The following GLI2 variants were observed in gnomAD, a reference collection of about 807,000 sequenced individuals.
GLI2 encodes the protein transcription activator GLI2.
In GLI2, 22 loss-of-function variants were observed where a neutral mutation model predicts 78.9. The observed-to-expected ratio is 0.28, with a 90% CI of 0.20 to 0.40. GLI2 has a LOEUF of 0.40. GLI2 is among the 10% of genes least tolerant of loss of function. The pLI, the probability that GLI2 is intolerant of heterozygous loss-of-function variation, is 1.00. For synonymous variants in GLI2, 974 were observed against 963.7 expected, an observed-to-expected ratio of 1.01 and a Z score of -0.20; for missense variants, 2,097 against 2,213.2, an observed-to-expected ratio of 0.95 and a Z score of 1.05.
At chr2:120,872,487 GGT>G (rs1192249918) in intron 2 of GLI2, among the ~76,000 whole-genome samples, 1 of 152,224 alleles carries the variant, frequency 6.6e-6, no homozygotes, top group Non-Finnish European at 1.5e-5. Flanking sequence ...CAGAGATGAA[GGT>G]CATACTGCAA....
intron 3 of GLI2, among the ~76,000 whole-genome samples, chr2:120,939,636 C>T (rs1680360534): frequency 6.6e-6 from 1 of 152,200 alleles, no homozygotes; most frequent in East Asian, 1.9e-4. Flanking sequence ...GTGTAGGGCT[C>T]TTCATTCATT....
chr2:120,833,066 C>G (rs1450750126), intron 2 of GLI2, among the ~76,000 whole-genome samples: 1 of 152,014 alleles, frequency 6.6e-6, no homozygotes, highest in Non-Finnish European at 1.5e-5. Context: ...CTGGATTGCT[C>G]TGGGACTCTT....
intron 2 of GLI2, among the ~76,000 whole-genome samples, chr2:120,813,075 C>A (rs938009385): frequency 1.3e-5 from 2 of 152,216 alleles, no homozygotes; most frequent in African/African-American, 4.8e-5. Flanking sequence ...TTTCAGCATG[C>A]CACACACAGG....
At chr2:120,880,869 G>A (rs944117543) in intron 2 of GLI2, among the ~76,000 whole-genome samples, 2 of 152,178 alleles carry the variant, frequency 1.3e-5, no homozygotes, top group African/African-American at 4.8e-5. Flanking sequence ...TTGAACACAA[G>A]TCCCAGCATA....
At chr2:120,875,640 G>A (rs1201914165) in intron 2 of GLI2, among the ~76,000 whole-genome samples, 2 of 152,176 alleles carry the variant, frequency 1.3e-5, no homozygotes, top group East Asian at 1.9e-4. Context: ...CCTCTTCTTC[G>A]CCTCAGGACA....
chr2:120,975,273 G>A (rs180696122), intron 9 of GLI2, among the ~76,000 whole-genome samples, 164 bp downstream of exon 9: 2 of 152,370 alleles, frequency 1.3e-5, no homozygotes, highest in African/African-American at 4.8e-5. Context: ...TTACTTATGT[G>A]TGTCCTGCCT....
chr2:120,983,946 G>GGGTGT (rs112474343), intron 11 of GLI2, among the ~76,000 whole-genome samples: 37,364 of 142,876 alleles, frequency 0.26, 4,925 homozygotes, highest in South Asian at 0.44. Flanking sequence ...TGGTGTGTGG[G>GGGTGT]GTGTGTGTGT....
At chr2:120,876,986 CT>C (rs1193785569) in intron 2 of GLI2, among the ~76,000 whole-genome samples, 1 of 152,228 alleles carries the variant, frequency 6.6e-6, no homozygotes, top group Non-Finnish European at 1.5e-5. Flanking sequence ...GGCTGGTCCA[CT>C]GCTCACTCAG....
intron 3 of GLI2, among the ~76,000 whole-genome samples, chr2:120,932,255 G>A (rs1157967196): frequency 6.6e-6 from 1 of 152,066 alleles, no homozygotes; most frequent in Non-Finnish European, 1.5e-5. Context: ...TCATTTCTGT[G>A]TCAGCTGAGC....
At chr2:120,841,286 T>C (rs1686856871) in intron 2 of GLI2, among the ~76,000 whole-genome samples, 2 of 152,186 alleles carry the variant, frequency 1.3e-5, no homozygotes, top group Non-Finnish European at 2.9e-5. Context: ...ACTCACCACC[T>C]AAGCCCTCTT....
chr2:120,929,578 T>C (rs1381500991), intron 3 of GLI2, among the ~76,000 whole-genome samples: 1 of 152,264 alleles, frequency 6.6e-6, no homozygotes, highest in Non-Finnish European at 1.5e-5. Flanking sequence ...GATGCATGGT[T>C]TTTTGTGTGA....
chr2:120,824,117 G>A (rs1183757248), intron 2 of GLI2, among the ~76,000 whole-genome samples: 1 of 152,242 alleles, frequency 6.6e-6, no homozygotes. Context: ...GGATGACTTT[G>A]TAGCAGTGGG....
chr2:120,772,190 A>G (rs901243920), intron 1 of GLI2, among the ~76,000 whole-genome samples: 3 of 152,086 alleles, frequency 2.0e-5, no homozygotes, highest in Non-Finnish European at 2.9e-5. Flanking sequence ...TTGATTAGCA[A>G]TGCCTGCCTT....
At position 120,800,753 on chromosome 2, in the gene GLI2, G is replaced by T. The variant is rs551802417; in HGVS notation, c.148+3285G>T. Among the ~76,000 whole-genome samples, 5 of 152,070 alleles carry T rather than the reference G, an allele frequency of 3.3e-5. No homozygotes were observed. The highest frequency in any genetic ancestry group is 7.4e-5 in the Non-Finnish European group (5 of 68,008). On this transcript the variant is annotated intron_variant, in intron 2 of 13. Transcript: ENST00000361492. The surrounding 1 kb of genome is among the most constrained non-coding windows in gnomAD (Gnocchi z 4.1). ...AATCTCCTGACCTCATGATCCGCCC[G>T]CCTCAGCCTCCCAAAGTGCCGGGAT...
chr2:120,892,120 GC>G (rs1677712589), intron 2 of GLI2, among the ~76,000 whole-genome samples: 1 of 152,140 alleles, frequency 6.6e-6, no homozygotes, highest in Non-Finnish European at 1.5e-5. Context: ...CCATTGTCGG[GC>G]CCCCATCCAC....
intron 2 of GLI2, among the ~76,000 whole-genome samples, chr2:120,850,943 A>G (rs1573478420): frequency 6.6e-6 from 1 of 152,212 alleles, no homozygotes; most frequent in African/African-American, 2.4e-5. Context: ...GATAGCTGCC[A>G]GAGGAATTAA....
chr2:120,765,963 G>T (rs1460575842), intron 1 of GLI2, among the ~76,000 whole-genome samples: 3 of 152,226 alleles, frequency 2.0e-5, no homozygotes, highest in African/African-American at 7.2e-5. Context: ...CTGGAATTCA[G>T]ACAGCATTTG....
chr2:120,987,223 G>C (rs1683021126), intron 13 of GLI2, among the ~76,000 whole-genome samples: 1 of 152,212 alleles, frequency 6.6e-6, no homozygotes, highest in Non-Finnish European at 1.5e-5. Flanking sequence ...TACTGACTCT[G>C]TGCCTAGGAT....
At position 120,783,764 on chromosome 2, in the gene GLI2, C is replaced by G. The variant is rs528099233; in HGVS notation, c.-30-13527C>G. ...CCTCCATCCCTCTCCATACTATCCACGTTGATTTAAGAGAAGGGAACTTTT... is the reference window on the plus strand; with the variant it reads ...CCTCCATCCCTCTCCATACTATCCAGGTTGATTTAAGAGAAGGGAACTTTT... On this transcript the variant is annotated intron_variant, in intron 1 of 13. Transcript: ENST00000361492. Among the ~76,000 whole-genome samples the G allele has an allele frequency of 3.3e-5, 5 of 152,262 alleles. No individual in the cohort carries two copies. In the East Asian group the frequency reaches 9.7e-4, roughly 29 times the overall value.
Sources: gnomAD v4.1 joint callset for allele counts (sites outside exome capture counted in the v4.1 genomes callset) on GRCh38, gnomAD v4.1.1 for gene constraint, Gnocchi (gnomAD v3.1) non-coding constraint, MANE v1.5 for transcripts, NCBI Gene and HGNC (gene_info 2026-07-23, HGNC 2026-07-21) for gene names.